Variants in FGD3 observed in about 807,000 individuals in gnomAD.
FGD3 encodes the protein FYVE, RhoGEF and PH domain containing 3.
Under a neutral mutation model 71.8 loss-of-function variants are expected in FGD3, and 45 were observed. The ratio of observed to expected loss-of-function variants is 0.63; its 90% CI spans 0.49 to 0.80. The LOEUF (loss-of-function observed/expected upper bound fraction) is 0.80, where lower values mean the gene tolerates loss of function less well. FGD3 is among the 30% of genes least tolerant of loss of function. FGD3 has a pLI of 0.00. For synonymous variants in FGD3, 378 were observed against 392.8 expected, an observed-to-expected ratio of 0.96 and a Z score of 0.44; for missense variants, 844 against 951.5, an observed-to-expected ratio of 0.89 and a Z score of 1.49.
At chr9:93,009,777 C>T (rs962528029) in intron 6 of FGD3, among the ~76,000 whole-genome samples, 3 of 152,272 alleles carry the variant, frequency 2.0e-5, no homozygotes, top group South Asian at 2.1e-4. Context: ...ATATCGAGAG[C>T]GATCTGCAGA....
At chr9:93,014,062 C>G in intron 9 of FGD3, 64 bp downstream of exon 9, 1 of 1,532,994 alleles carries the variant, frequency 6.5e-7, no homozygotes, top group Non-Finnish European at 8.7e-7. Flanking sequence ...AAGCCCAGGG[C>G]AGTGCCAGGA....
rs34155304 is a variant in FGD3 at position 93,030,725 on chromosome 9, G to T, written c.1680+729G>T. ...CACATGGCGGGGGGGCAGCAGGGGG[G>T]GGGGAATAAGTAGATGAGTCCTTGG... On this transcript the variant is annotated intron_variant, in intron 15 of 17. Transcript: ENST00000375482. Among the ~76,000 whole-genome samples the T allele has an allele frequency of 9.8e-5, 14 of 142,436 alleles. No individual in the cohort carries two copies. The East Asian group carries it at 1.7e-3, about 17-fold the overall frequency. The allele number at this position is 142,436 out of a possible 152,430, so 93.4% of individuals were successfully genotyped here.
rs1163433447 is a variant in FGD3 at position 93,034,541 on chromosome 9, A to C, written c.1786A>C (p.Lys596Gln). Reference sequence around the variant, plus strand: ...CTAACCTGTGTCTTTGTGTCCCCAGAAGACACCCACTGCAGACCCCCAGCC... The same window carrying C: ...CTAACCTGTGTCTTTGTGTCCCCAGCAGACACCCACTGCAGACCCCCAGCC... ...TQPVAPESTE[K>Q]TPTADPQPSL... Residue 596 changes from lysine to glutamine, a missense_variant and splice_region_variant, in exon 17 of 18, where the codon AAG becomes CAG. Transcript: ENST00000375482. 1.2e-6 allele frequency: 2 copies of C among 1,609,570 alleles called. No homozygotes were observed. Among genetic ancestry groups the C allele is most frequent in the Non-Finnish European group, 1.7e-6 (2 of 1,177,748 alleles).
chr9:93,001,519 C>T (rs1860858062), intron 3 of FGD3, among the ~76,000 whole-genome samples: 1 of 152,190 alleles, frequency 6.6e-6, no homozygotes, highest in Non-Finnish European at 1.5e-5. Flanking sequence ...CTGCCTTAGA[C>T]TCTCCAATGA....
intron 3 of FGD3, among the ~76,000 whole-genome samples, chr9:92,977,281 A>G (rs553332622): frequency 1.3e-5 from 2 of 152,066 alleles, no homozygotes; most frequent in African/African-American, 4.8e-5. Flanking sequence ...GGCTGCATGG[A>G]GGGAGTTTGT....
Position 93,035,600 on chromosome 9 carries a change from C to T in FGD3, c.*11C>T. ...GCAGCTGCTCCGTGAGCTGAGTCTCCCACTGCCCTGCACACCACCACATTG... is the reference window on the plus strand; with the variant it reads ...GCAGCTGCTCCGTGAGCTGAGTCTCTCACTGCCCTGCACACCACCACATTG... On this transcript the variant is annotated 3_prime_UTR_variant, in exon 18 of 18. Transcript: ENST00000375482. 1 of 1,576,674 alleles carries T rather than the reference C, an allele frequency of 6.3e-7. No individual in the cohort carries two copies.
chr9:92,972,246 C>T (rs911457546), intron 1 of FGD3, among the ~76,000 whole-genome samples: 4 of 150,878 alleles, frequency 2.7e-5, no homozygotes, highest in African/African-American at 9.8e-5. Context: ...GTCAGGAGTT[C>T]GAGACCAGTC....
chr9:92,955,868 G>T (rs1406737405), intron 1 of FGD3, among the ~76,000 whole-genome samples: 1 of 152,132 alleles, frequency 6.6e-6, no homozygotes, highest in Admixed American at 6.5e-5. Flanking sequence ...ATAATCCCTT[G>T]GGATTCCTCT....
chr9:93,029,435 C>T (rs766124802), intron 14 of FGD3, among the ~76,000 whole-genome samples: 38 of 152,296 alleles, frequency 2.5e-4, no homozygotes, highest in Non-Finnish European at 4.6e-4. Context: ...GTGTGGCCCG[C>T]GGTGCCCAGT....
chr9:93,022,222 C>T lies in FGD3; in HGVS notation c.1495-105C>T. 2.7e-6 allele frequency: 3 copies of T among 1,127,974 alleles called. No individual in the cohort carries two copies. In the East Asian group the frequency reaches 7.4e-5, roughly 28 times the overall value. 69.9% of individuals were successfully genotyped at this position (1,127,974 alleles called of 1,614,324 possible). A position where few individuals can be genotyped will look rare whatever the true frequency, so the allele number is the denominator to read the frequency against. On this transcript the variant is annotated intron_variant, in intron 13 of 17. Transcript: ENST00000375482. ...TGGGAAATCCTGCTCCCGAGCCTGCCCTCAATGCACAGAGGTGCTGGGGGC... is the reference window on the plus strand; with the variant it reads ...TGGGAAATCCTGCTCCCGAGCCTGCTCTCAATGCACAGAGGTGCTGGGGGC...
chr9:93,030,118 C>T lies in FGD3; in HGVS notation c.1680+122C>T. 5.3e-6 allele frequency: 6 copies of T among 1,129,290 alleles called. No individual in the cohort carries two copies. In the South Asian group the frequency reaches 9.2e-5, roughly 17 times the overall value. 70.0% of individuals were successfully genotyped at this position (1,129,290 alleles called of 1,614,324 possible). On this transcript the variant is annotated intron_variant, in intron 15 of 17. Coordinates refer to ENST00000375482, the MANE Select transcript of FGD3 (RefSeq NM_001083536.2). Reference sequence around the variant, plus strand: ...CACCAGCCCTGCACGGAAGGGCTTCCTGATCCTGGCTCATGGATATAGATA... The same window carrying T: ...CACCAGCCCTGCACGGAAGGGCTTCTTGATCCTGGCTCATGGATATAGATA...
chr9:93,015,719 G>T lies in FGD3; in HGVS notation c.1183-18G>T, dbSNP rs746858530. On this transcript the variant is annotated intron_variant, in intron 9 of 17. Coordinates refer to ENST00000375482, the MANE Select transcript of FGD3 (RefSeq NM_001083536.2). ...TGCGGGCAGCTCTCGTTCCTCACCT[G>T]TGCCATCCCTCTTGCAGTTCAACAG... 5.2e-5 allele frequency: 84 copies of T among 1,612,390 alleles called. No homozygotes were observed. The highest frequency in any genetic ancestry group is 7.0e-5 in the Non-Finnish European group (82 of 1,178,594).
At position 93,003,826 on chromosome 9, in the gene FGD3, G is replaced by A. The variant is rs1449041543; in HGVS notation, c.544-175G>A. On this transcript the variant is annotated intron_variant, in intron 4 of 17. Coordinates refer to ENST00000375482, the MANE Select transcript of FGD3 (RefSeq NM_001083536.2). The surrounding 1 kb of genome is among the most constrained non-coding windows in gnomAD (Gnocchi z 4.1). ...AAGTGAGCTTGCATTAAGACCATGAGGTTGTCTGAACCAGTTGGATGAAAA... is the reference window on the plus strand; with the variant it reads ...AAGTGAGCTTGCATTAAGACCATGAAGTTGTCTGAACCAGTTGGATGAAAA... Among the ~76,000 whole-genome samples, 1 of 152,196 alleles carries A rather than the reference G, an allele frequency of 6.6e-6. No individual in the cohort carries two copies. Among genetic ancestry groups the A allele is most frequent in the Non-Finnish European group, 1.5e-5 (1 of 68,034 alleles).
At chr9:93,009,596 C>T (rs1307858550) in intron 6 of FGD3, among the ~76,000 whole-genome samples, 7 of 152,108 alleles carry the variant, frequency 4.6e-5, no homozygotes, top group Non-Finnish European at 8.8e-5. Flanking sequence ...AGCACAGAGG[C>T]GACAGGTGGG....
At chr9:92,968,147 A>AC (rs899663231) in intron 1 of FGD3, among the ~76,000 whole-genome samples, 6 of 151,540 alleles carry the variant, frequency 4.0e-5, no homozygotes, top group Admixed American at 6.6e-5. Context: ...AGAGGTAGAT[A>AC]CCCCCCGCCC....
intron 1 of FGD3, among the ~76,000 whole-genome samples, chr9:92,953,758 A>G (rs1404912175): frequency 6.6e-6 from 1 of 152,234 alleles, no homozygotes; most frequent in African/African-American, 2.4e-5. Context: ...TTTGGACCAA[A>G]TGTAATTTCA....
chr9:92,955,332 C>T (rs542244810), intron 1 of FGD3, among the ~76,000 whole-genome samples: 24 of 152,032 alleles, frequency 1.6e-4, no homozygotes, highest in African/African-American at 5.3e-4. Flanking sequence ...GTCAGGAGTT[C>T]GAGACCAGCC....
chr9:93,020,238 A>G (rs1861861114), intron 12 of FGD3, 79 bp from the exon 13 acceptor site: 5 of 1,365,466 alleles, frequency 3.7e-6, no homozygotes, highest in South Asian at 1.3e-5. Flanking sequence ...TCCTCGGGAC[A>G]GAGGCAGGCG....
At chr9:92,952,233 ATTT>A (rs35969028) in intron 1 of FGD3, among the ~76,000 whole-genome samples, 2 of 127,778 alleles carry the variant, frequency 1.6e-5, no homozygotes, top group Admixed American at 8.1e-5. Flanking sequence ...TTGAAAGTCA[ATTT>A]TTTTTTTTTT....
Sources: gnomAD v4.1 joint callset for allele counts (sites outside exome capture counted in the v4.1 genomes callset) on GRCh38, gnomAD v4.1.1 for gene constraint, Gnocchi (gnomAD v3.1) non-coding constraint, MANE v1.5 for transcripts, NCBI Gene and HGNC (gene_info 2026-07-23, HGNC 2026-07-21) for gene names.